ARID2: variants seen among roughly 807,000 people sequenced by gnomAD.
ARID2 encodes the protein AT-rich interactive domain-containing protein 2.
ARID2 carries 32 observed loss-of-function variants against 184.6 expected under a neutral mutation model. The ratio of observed to expected loss-of-function variants is 0.17; its 90% CI spans 0.13 to 0.23. The LOEUF (loss-of-function observed/expected upper bound fraction) is 0.23, where lower values mean the gene tolerates loss of function less well. Ranked by LOEUF, ARID2 falls within the 10% of genes least tolerant of loss-of-function variation. ARID2 has a pLI of 1.00. For synonymous variants in ARID2, 836 were observed against 772.6 expected (o/e 1.08, Z -1.36); for missense variants, 1,696 against 2,197.6 (o/e 0.77, Z 4.56).
intron 6 of ARID2, 143 bp from the exon 7 acceptor site, chr12:45,836,446 C>A: frequency 1.4e-6 from 1 of 705,752 alleles, no homozygotes; most frequent in Non-Finnish European, 2.2e-6. Flanking sequence ...AAACTCCCAG[C>A]TGCAAGTAAT....
At chr12:45,810,260 A>G (rs1942680622) in intron 3 of ARID2, among the ~76,000 whole-genome samples, 1 of 152,202 alleles carries the variant, frequency 6.6e-6, no homozygotes, top group Admixed American at 6.5e-5. Context: ...TGGAAATCTT[A>G]CTATAAACTG....
intron 18 of ARID2, among the ~76,000 whole-genome samples, chr12:45,892,862 GGATT>G (rs1441953975): frequency 2.0e-5 from 3 of 152,034 alleles, no homozygotes; most frequent in African/African-American, 4.8e-5. Context: ...TATAGTGAAA[GGATT>G]GATTGAAATT....
At position 45,809,034 on chromosome 12, in the gene ARID2, G is replaced by T. The variant is rs1221031359; in HGVS notation, c.285-2384G>T. Among the ~76,000 whole-genome samples, 5 of 152,188 alleles carry T rather than the reference G, an allele frequency of 3.3e-5. No homozygotes were observed. The South Asian group carries it at 1.0e-3, about 32-fold the overall frequency. On this transcript the variant is annotated intron_variant, in intron 3 of 20. Transcript: ENST00000334344. ...TCCCACCTCACCTCCCAAAGTGCTG[G>T]GATTACAGGCGTGAGCCACTGCACC...
intron 3 of ARID2, among the ~76,000 whole-genome samples, chr12:45,805,951 T>C (rs767292075): frequency 1.3e-5 from 2 of 152,196 alleles, no homozygotes; most frequent in Non-Finnish European, 2.9e-5. Context: ...CATTCTGTTC[T>C]GTGTTTCTAA....
At chr12:45,889,021 C>G (rs769246730) in intron 16 of ARID2, among the ~76,000 whole-genome samples, 1 of 152,116 alleles carries the variant, frequency 6.6e-6, no homozygotes, top group Non-Finnish European at 1.5e-5. Context: ...AACCCTGTCT[C>G]TACTAAAAAA....
chr12:45,783,382 A>G (rs1942133401), intron 3 of ARID2, among the ~76,000 whole-genome samples: 1 of 152,246 alleles, frequency 6.6e-6, no homozygotes, highest in Non-Finnish European at 1.5e-5. Flanking sequence ...TCAGGTGTGA[A>G]AAATTTTATG....
chr12:45,800,222 G>C (rs1481177466), intron 3 of ARID2, among the ~76,000 whole-genome samples: 1 of 152,078 alleles, frequency 6.6e-6, no homozygotes, highest in Non-Finnish European at 1.5e-5. Flanking sequence ...AAATTAAATA[G>C]ATACAATAAC....
chr12:45,767,539 C>T (rs1021985177), intron 3 of ARID2, among the ~76,000 whole-genome samples: 2 of 152,108 alleles, frequency 1.3e-5, no homozygotes, highest in Non-Finnish European at 2.9e-5. Flanking sequence ...CAAATAGCAA[C>T]AAACTTAAGC....
intron 3 of ARID2, among the ~76,000 whole-genome samples, chr12:45,795,658 G>A (rs893832970): frequency 5.9e-5 from 9 of 152,026 alleles, no homozygotes; most frequent in Admixed American, 2.6e-4. Flanking sequence ...GGATGGTCTC[G>A]ATCTCCTGAC....
chr12:45,849,794 AT>A lies in ARID2; in HGVS notation c.1912+23del, dbSNP rs1191857619. 6.3e-7 allele frequency: 1 copy of A among 1,596,008 alleles called. No individual in the cohort carries two copies. Among genetic ancestry groups the A allele is most frequent in the African/African-American group, 1.3e-5 (1 of 74,246 alleles). On this transcript the variant is annotated intron_variant, in intron 14 of 20. Coordinates refer to ENST00000334344, the MANE Select transcript of ARID2 (RefSeq NM_152641.4). ...ACCTGCAGGTGTTAATTTTTATTGTATTTTTAAAGTATTACTGATTTAATAA... is the reference window on the plus strand; with the variant it reads ...ACCTGCAGGTGTTAATTTTTATTGTATTTTAAAGTATTACTGATTTAATAA...
chr12:45,885,981 C>T (rs1461482795), intron 16 of ARID2, among the ~76,000 whole-genome samples: 1 of 152,134 alleles, frequency 6.6e-6, no homozygotes, highest in Non-Finnish European at 1.5e-5. Context: ...CTCATGTCCT[C>T]ACATTTCAAA....
intron 2 of ARID2, 63 bp downstream of exon 2, chr12:45,730,200 C>T: frequency 1.9e-6 from 3 of 1,552,978 alleles, no homozygotes; most frequent in Non-Finnish European, 2.6e-6. Context: ...TCTCCTTTGA[C>T]CCCGGAGTGG....
chr12:45,741,794 T>A (rs1230034854), intron 3 of ARID2, among the ~76,000 whole-genome samples: 1 of 152,200 alleles, frequency 6.6e-6, no homozygotes, highest in Non-Finnish European at 1.5e-5. Context: ...TGCGGAATGG[T>A]ATATAGAAAC....
Position 45,906,937 on chromosome 12 carries a change from T to TA in ARID2, c.*1860dup, listed in dbSNP as rs774691827. The TA allele has an allele frequency of 2.9e-4, 67 of 231,912 alleles. No individual in the cohort carries two copies. The highest frequency in any genetic ancestry group is 1.8e-4 in the Non-Finnish European group (21 of 117,404). The allele number at this position is 231,912 out of a possible 1,614,324, so 14.4% of individuals were successfully genotyped here. On this transcript the variant is annotated 3_prime_UTR_variant, in exon 21 of 21. Transcript: ENST00000334344. ...CAGCTTGAATTTGGAGGCAGATTCT[T>TA]AGAGTGAAAAAGCCTCAGTTTCCAT... is the stretch of plus-strand genomic sequence containing the variant.
At chr12:45,735,418 CGTGTGT>C (rs56133410) in intron 3 of ARID2, among the ~76,000 whole-genome samples, 2,657 of 141,360 alleles carry the variant, frequency 0.019, 30 homozygotes, top group African/African-American at 0.025. Flanking sequence ...TAAACTGTAT[CGTGTGT>C]GTGTGTGTGT....
rs745825266 is a variant in ARID2 at position 45,907,963 on chromosome 12, C to T, written c.*2885C>T. On this transcript the variant is annotated 3_prime_UTR_variant, in exon 21 of 21. Coordinates refer to ENST00000334344, the MANE Select transcript of ARID2 (RefSeq NM_152641.4). ...GTAATCCAACCCACACCTGAGAACT[C>T]GTCTCATTACTTTATAGTCATGTCA... The T allele has an allele frequency of 1.6e-4, 37 of 230,578 alleles. No homozygotes were observed. Among genetic ancestry groups the T allele is most frequent in the Non-Finnish European group, 2.9e-4 (34 of 116,562 alleles). 14.3% of individuals were successfully genotyped at this position (230,578 alleles called of 1,614,324 possible).
chr12:45,788,609 G>A (rs10880858), intron 3 of ARID2, among the ~76,000 whole-genome samples: 13,009 of 152,122 alleles, frequency 0.086, 1,897 homozygotes, highest in African/African-American at 0.29. Flanking sequence ...CCCTACCCAG[G>A]ATATGGGAGT....
chr12:45,897,867 CG>C (rs1323683464), intron 20 of ARID2, among the ~76,000 whole-genome samples: 2 of 151,540 alleles, frequency 1.3e-5, no homozygotes, highest in African/African-American at 4.9e-5. Flanking sequence ...ATCTTTGAGA[CG>C]GGGTCTCACT....
At chr12:45,746,453 G>A (rs1941356467) in intron 3 of ARID2, among the ~76,000 whole-genome samples, 1 of 151,870 alleles carries the variant, frequency 6.6e-6, no homozygotes. Flanking sequence ...ATGGTAGGGA[G>A]ATATGTTTTA....
Sources: allele counts gnomAD v4.1 joint callset (sites outside exome capture counted in the v4.1 genomes callset), GRCh38; gene constraint gnomAD v4.1.1; transcripts MANE v1.5; gene names NCBI Gene and HGNC (gene_info 2026-07-23, HGNC 2026-07-21).